WRAP53: variants seen among roughly 807,000 people sequenced by gnomAD.
WRAP53 encodes WD repeat containing antisense to TP53, also known as telomerase Cajal body protein 1.
A neutral mutation model predicts 56.6 loss-of-function variants in WRAP53; 28 were observed. That is an observed-to-expected ratio of 0.50 (90% CI 0.37 to 0.68). WRAP53 has a LOEUF of 0.68. Among genes scored for constraint, WRAP53 ranks in the 30% least tolerant of loss-of-function variants. The pLI is 0.00. For missense variants in WRAP53, 671 were observed against 715.5 expected (o/e 0.94, Z 0.71); for synonymous variants, 283 against 283.4 (o/e 1.00, Z 0.01).
intron 2 of WRAP53, 40 bp from the exon 3 acceptor site, chr17:7,689,184 C>T (rs768560508): frequency 6.2e-7 from 1 of 1,613,742 alleles, no homozygotes; most frequent in South Asian, 1.1e-5. Flanking sequence ...GCCCCCTTTG[C>T]TTGGCGACCC....
At chr17:7,694,242 CTTT>C (rs749740076) in intron 4 of WRAP53, among the ~76,000 whole-genome samples, 16,631 of 122,212 alleles carry the variant, frequency 0.14, 798 homozygotes, top group East Asian at 0.28. Context: ...TTTTTTCTTT[CTTT>C]TTTTTTTTTT....
chr17:7,701,370 G>T lies in WRAP53; in HGVS notation c.732-89G>T, dbSNP rs1415389572. ...TCCACCTGCCTTGGCCTCCCAAAGT[G>T]CTGGGATTACAGGCATGAGCCACTG... is the stretch of plus-strand genomic sequence containing the variant. On this transcript the variant is annotated intron_variant, in intron 5 of 10. Transcript: ENST00000396463. This position sits in a 1 kb window ranked among gnomAD's most constrained non-coding sequence, Gnocchi z 4.2. 3 of 1,445,064 alleles carry T rather than the reference G, an allele frequency of 2.1e-6. No homozygotes were observed. In the African/African-American group the frequency reaches 4.2e-5, roughly 20 times the overall value. The allele number at this position is 1,445,064 out of a possible 1,614,324, so 89.5% of individuals were successfully genotyped here.
At position 7,703,287 on chromosome 17, in the gene WRAP53, G is replaced by T; in HGVS notation, c.1448G>T (p.Arg483Leu). ...CTCCTGGCCACTGCCTCCGGTCAGC[G>T]TGTGTTTCCTGAGCCCACAGAGAGT... ...LPLLATASGQ[R>L]VFPEPTESGD... Residue 483 changes from arginine to leucine, a missense_variant, in exon 11 of 11, where the codon CGT becomes CTT. Transcript: ENST00000396463. 6.2e-7 allele frequency: 1 copy of T among 1,613,852 alleles called. No homozygotes were observed. Among genetic ancestry groups the T allele is most frequent in the Non-Finnish European group, 8.5e-7 (1 of 1,180,014 alleles).
intron 4 of WRAP53, among the ~76,000 whole-genome samples, chr17:7,692,898 C>T (rs1312832168): frequency 1.3e-4 from 20 of 151,482 alleles, no homozygotes; most frequent in Admixed American, 4.0e-4. Flanking sequence ...GGACTACAGG[C>T]GCCCGCCACC....
Position 7,702,134 on chromosome 17 carries a change from AGAGGGATGAAGT to A in WRAP53, c.956-208_956-197del, listed in dbSNP as rs1390102798. 1 of 695,810 alleles carries A rather than the reference AGAGGGATGAAGT, an allele frequency of 1.4e-6. No homozygotes were observed. The highest frequency in any genetic ancestry group is 2.5e-6 in the Non-Finnish European group (1 of 396,076). 43.1% of individuals were successfully genotyped at this position (695,810 alleles called of 1,614,324 possible). ...CTCTCCAAGGAAGAACTGGGATTTGAGAGGGATGAAGTGGGGCTTGGGCATTTAGGTCCTTTG... is the reference window on the plus strand; with the variant it reads ...CTCTCCAAGGAAGAACTGGGATTTGAGGGGCTTGGGCATTTAGGTCCTTTG... On this transcript the variant is annotated intron_variant, in intron 7 of 10. Coordinates refer to ENST00000396463, the MANE Select transcript of WRAP53 (RefSeq NM_001143992.2). The surrounding 1 kb of genome is among the most constrained non-coding windows in gnomAD (Gnocchi z 5.0).
chr17:7,703,318 C>T lies in WRAP53; in HGVS notation c.1479C>T (p.Asp493=), dbSNP rs752847685. ...RVFPEPTESG[D]EGEELGLPLL... ...TTCCTGAGCCCACAGAGAGTGGGGACGAAGGAGAGGAGCTGGGCCTTCCCT... is the reference window on the plus strand; with the variant it reads ...TTCCTGAGCCCACAGAGAGTGGGGATGAAGGAGAGGAGCTGGGCCTTCCCT... Residue 493 remains aspartate, a synonymous_variant, in exon 11 of 11, where the codon GAC becomes GAT. Coordinates refer to ENST00000396463, the MANE Select transcript of WRAP53 (RefSeq NM_001143992.2). 3.1e-6 allele frequency: 5 copies of T among 1,613,794 alleles called. No individual in the cohort carries two copies. In the Admixed American group the frequency reaches 5.0e-5, roughly 16 times the overall value.
Position 7,702,935 on chromosome 17 carries a change from A to AG in WRAP53, c.1269-54dup. ...TGTAGGGTCCCAGTCCCTGGGTGTG[A>AG]GGGGTTCCTGCCCCAGGGGTGAGGC... On this transcript the variant is annotated intron_variant, in intron 9 of 10. Coordinates refer to ENST00000396463, the MANE Select transcript of WRAP53 (RefSeq NM_001143992.2). This position sits in a 1 kb window ranked among gnomAD's most constrained non-coding sequence, Gnocchi z 5.0. 1 of 1,612,780 alleles carries AG rather than the reference A, an allele frequency of 6.2e-7. No individual in the cohort carries two copies. The highest frequency in any genetic ancestry group is 8.5e-7 in the Non-Finnish European group (1 of 1,179,952).
At chr17:7,689,133 G>T in intron 2 of WRAP53, 54 bp downstream of exon 2, 5 of 1,613,592 alleles carry the variant, frequency 3.1e-6, no homozygotes, top group Non-Finnish European at 3.4e-6. Flanking sequence ...GTGTGAGGTC[G>T]ATCTGTCCTC....
rs2074294916 is a variant in WRAP53, at chr17:7,702,933, T to TGA, written c.1269-58_1269-57dup. On this transcript the variant is annotated intron_variant, in intron 9 of 10. Coordinates refer to ENST00000396463, the MANE Select transcript of WRAP53 (RefSeq NM_001143992.2). The surrounding 1 kb of genome is among the most constrained non-coding windows in gnomAD (Gnocchi z 5.0). Reference sequence around the variant, plus strand: ...GCTGTAGGGTCCCAGTCCCTGGGTGTGAGGGGTTCCTGCCCCAGGGGTGAG... The same window carrying TGA: ...GCTGTAGGGTCCCAGTCCCTGGGTGTGAGAGGGGTTCCTGCCCCAGGGGTGAG... 1.9e-6 allele frequency: 3 copies of TGA among 1,612,836 alleles called. No homozygotes were observed. Among genetic ancestry groups the TGA allele is most frequent in the African/African-American group, 2.7e-5 (2 of 75,000 alleles).
intron 4 of WRAP53, among the ~76,000 whole-genome samples, chr17:7,699,472 A>ATTTT (rs1163363840): frequency 7.3e-5 from 1 of 13,692 alleles, no homozygotes; most frequent in African/African-American, 4.3e-4. Context: ...ATATATATAT[A>ATTTT]TATTTATATA....
Position 7,688,801 on chromosome 17 carries a change from C to T in WRAP53, c.153C>T (p.Pro51=). 4 of 1,614,228 alleles carry T rather than the reference C, an allele frequency of 2.5e-6. No individual in the cohort carries two copies. Among genetic ancestry groups the T allele is most frequent in the Non-Finnish European group, 3.4e-6 (4 of 1,180,050 alleles). ...CGCCTCCCGAAAGGGGGGATCCGCC[C>T]CGGTTGTCCCCAGATCCTGTGGCTG... is the stretch of plus-strand genomic sequence containing the variant. ...MPPPPERGDP[P]RLSPDPVAGS... Residue 51 remains proline (P), a synonymous_variant, in exon 2 of 11, where the codon CCC becomes CCT. Coordinates refer to ENST00000396463, the MANE Select transcript of WRAP53 (RefSeq NM_001143992.2).
chr17:7,701,499 G>A lies in WRAP53; in HGVS notation c.772G>A (p.Asp258Asn), dbSNP rs1395850839. 1.2e-6 allele frequency: 2 copies of A among 1,614,236 alleles called. No individual in the cohort carries two copies. Among genetic ancestry groups the A allele is most frequent in the Non-Finnish European group, 1.7e-6 (2 of 1,180,046 alleles). The change falls in exon 6 of 11, where the codon GAC (aspartate) becomes AAC (asparagine). Residue 258 changes from aspartate (D) to asparagine (N), a missense_variant. Around this residue, in one of 3 missense-constraint regions of WRAP53, gnomAD observed 406 missense variants for 418.5 expected, o/e 0.97. Coordinates refer to ENST00000396463, the MANE Select transcript of WRAP53 (RefSeq NM_001143992.2). The surrounding 1 kb of genome is among the most constrained non-coding windows in gnomAD (Gnocchi z 4.2). The part of the protein sequence containing the change: ...SSRENPIHIW[D>N]AFTGELRASF... ...CCGGGAGAACCCGATTCATATCTGG[G>A]ACGCATTCACTGGAGAGCTCCGGGC...
chr17:7,702,322 A>G lies in WRAP53; in HGVS notation c.956-22A>G. 1 of 1,613,706 alleles carries G rather than the reference A, an allele frequency of 6.2e-7. No homozygotes were observed. On this transcript the variant is annotated intron_variant, in intron 7 of 10. Coordinates refer to ENST00000396463, the MANE Select transcript of WRAP53 (RefSeq NM_001143992.2). This position sits in a 1 kb window ranked among gnomAD's most constrained non-coding sequence, Gnocchi z 5.0. ...GCCAGGAGCCATTGCCCCCTCCCCC[A>G]CTTTGTTCCTTCCCTCTCTAGCAAA...
Position 7,689,263 on chromosome 17 carries a change from C to T in WRAP53, c.471C>T (p.Leu157=), listed in dbSNP as rs565530006. 83 of 1,613,954 alleles carry T rather than the reference C, an allele frequency of 5.1e-5. No homozygotes were observed. Among genetic ancestry groups the T allele is most frequent in the Non-Finnish European group, 6.8e-5 (80 of 1,180,030 alleles). The part of the protein sequence containing the change: ...NYSFSQLPRF[L]SGSWSEFSTQ... ...GCTTCTCCCAGCTGCCTCGATTTCT[C>T]AGTGGTTCCTGGTCAGAGTTCAGCA... Residue 157 remains leucine (L), a synonymous_variant, in exon 3 of 11, where the codon CTC becomes CTT. Coordinates refer to ENST00000396463, the MANE Select transcript of WRAP53 (RefSeq NM_001143992.2).
In WRAP53 at chr17:7,703,112, G is replaced by T. The variant is rs2074297773; in HGVS notation, c.1388G>T (p.Cys463Phe). ...PVLSFLPQKD[C>F]TNGVSLHPSL... is the part of the protein sequence containing the mutation. ...TTGAGTTTTCTGCCCCAGAAGGACT[G>T]CACCAATGGCGTGAGGTCCTCAGTT... Residue 463 changes from cysteine (C) to phenylalanine (F), a missense_variant, in exon 10 of 11, where the codon TGC becomes TTC. Cys to Phe is a radical substitution (Grantham distance 205). Transcript: ENST00000396463. 3.7e-6 allele frequency: 6 copies of T among 1,614,092 alleles called. No homozygotes were observed. Among genetic ancestry groups the T allele is most frequent in the Non-Finnish European group, 5.1e-6 (6 of 1,180,016 alleles).
chr17:7,694,831 A>T (rs2074160808), intron 4 of WRAP53, among the ~76,000 whole-genome samples: 1 of 150,108 alleles, frequency 6.7e-6, no homozygotes, highest in Admixed American at 6.6e-5. Context: ...CTGTCTCAAA[A>T]CAAACAACCA....
At chr17:7,689,478 A>G (rs955495095) in intron 3 of WRAP53, 112 bp from the exon 4 acceptor site, 1 of 1,277,268 alleles carries the variant, frequency 7.8e-7, no homozygotes, top group African/African-American at 1.5e-5. Flanking sequence ...TGTGTCTTCT[A>G]CTTCCCTCAA....
At position 7,702,890 on chromosome 17, in the gene WRAP53, T is replaced by C; in HGVS notation, c.1268+44T>C. 6.2e-7 allele frequency: 1 copy of C among 1,612,980 alleles called. No homozygotes were observed. The highest frequency in any genetic ancestry group is 8.5e-7 in the Non-Finnish European group (1 of 1,179,712). ...TTCCTACACAGGGCCCTGATAAGCC[T>C]AGGAATGCCAGAGCCCAGCTGTAGG... On this transcript the variant is annotated intron_variant, in intron 9 of 10. Transcript: ENST00000396463. This position sits in a 1 kb window ranked among gnomAD's most constrained non-coding sequence, Gnocchi z 5.0.
At position 7,700,798 on chromosome 17, in the gene WRAP53, C is replaced by G. The variant is rs778159976; in HGVS notation, c.700C>G (p.Leu234Val). The change falls in exon 5 of 11, where the codon CTG becomes GTG. Residue 234 changes from leucine to valine, a missense_variant. Physicochemically the swap from Leu to Val is conservative, Grantham distance 32 (BLOSUM62 1). Coordinates refer to ENST00000396463, the MANE Select transcript of WRAP53 (RefSeq NM_001143992.2). ...CATCTATGATTACTGCTGGTATTCT[C>G]TGATGTCCTCAGCCCAGCCAGACAC... ...DTIYDYCWYS[L>V]MSSAQPDTSY... The G allele has an allele frequency of 6.2e-7, 1 of 1,613,114 alleles. No homozygotes were observed. Among genetic ancestry groups the G allele is most frequent in the African/African-American group, 1.3e-5 (1 of 74,866 alleles).
Sources: allele counts gnomAD v4.1 joint callset (sites outside exome capture counted in the v4.1 genomes callset), GRCh38; gene constraint gnomAD v4.1.1; regional missense constraint gnomAD v4.1.1; non-coding constraint Gnocchi (gnomAD v3.1); transcripts MANE v1.5; gene names NCBI Gene and HGNC (gene_info 2026-07-23, HGNC 2026-07-21).